NR4A1: variants seen among roughly 807,000 people sequenced by gnomAD.
The protein encoded by NR4A1 is nuclear receptor subfamily 4immunitygroup A member 1.
A neutral mutation model predicts 47.5 loss-of-function variants in NR4A1; 24 were observed. The ratio of observed to expected loss-of-function variants is 0.50; its 90% CI spans 0.37 to 0.71. NR4A1 has a LOEUF of 0.71. NR4A1 is among the 30% of genes least tolerant of loss of function. NR4A1 has a pLI of 0.00. For synonymous variants in NR4A1, 353 were observed against 345.7 expected (o/e 1.02, Z -0.24); for missense variants, 669 against 788.6 (o/e 0.85, Z 1.82).
At chr12:52,031,826 C>G (rs1193627529) in intron 1 of NR4A1, among the ~76,000 whole-genome samples, 1 of 138,078 alleles carries the variant, frequency 7.2e-6, no homozygotes, top group Non-Finnish European at 1.5e-5. Context: ...GTTGCCCAGG[C>G]TGGAGCGCAG....
Position 52,054,571 on chromosome 12 carries a change from C to T in NR4A1, c.243C>T (p.Ala81=). The T allele has an allele frequency of 6.2e-7, 1 of 1,614,150 alleles. No homozygotes were observed. The highest frequency in any genetic ancestry group is 2.2e-5 in the East Asian group (1 of 44,884). The change falls in exon 2 of 7, where the codon GCC becomes GCT. Residue 81 remains alanine (A), a synonymous_variant. Coordinates refer to ENST00000394825, the MANE Select transcript of NR4A1 (RefSeq NM_173157.3). ...GAACAGTCCAGCCATGCTCCTCAGC[C>T]TCCTCCTCGGCCTCCTCCACATCCT... ...LPGTVQPCSS[A]SSSASSTSSS... is the part of the protein sequence containing the mutation.
At chr12:52,032,904 T>G (rs1938156758) in intron 1 of NR4A1, among the ~76,000 whole-genome samples, 1 of 152,086 alleles carries the variant, frequency 6.6e-6, no homozygotes, top group Non-Finnish European at 1.5e-5. Flanking sequence ...AAACCAGCAC[T>G]CTACAGATTT....
intron 1 of NR4A1, among the ~76,000 whole-genome samples, chr12:52,053,083 G>T (rs1939068082): frequency 6.6e-6 from 1 of 152,152 alleles, no homozygotes; most frequent in African/African-American, 2.4e-5. Context: ...ATGGTACTCT[G>T]TTCCTGCTTG....
At chr12:52,036,492 T>C (rs1938239415) in intron 1 of NR4A1, among the ~76,000 whole-genome samples, 3 of 152,160 alleles carry the variant, frequency 2.0e-5, no homozygotes, top group Admixed American at 2.0e-4. Flanking sequence ...TCTGATCATA[T>C]CATGTTTTAG....
chr12:52,046,437 G>T (rs1205542152), upstream of NR4A1, among the ~76,000 whole-genome samples: 1 of 152,188 alleles, frequency 6.6e-6, no homozygotes, highest in Non-Finnish European at 1.5e-5. Flanking sequence ...TTGACTAGGA[G>T]GGGTAAGGGC....
intron 2 of NR4A1, among the ~76,000 whole-genome samples, chr12:52,043,245 A>G (rs1240261838): frequency 6.6e-6 from 1 of 152,100 alleles, no homozygotes; most frequent in Non-Finnish European, 1.5e-5. Flanking sequence ...TGGACTTGGG[A>G]AGCACGTGAG....
At chr12:52,055,514 C>T (rs534992150) in intron 2 of NR4A1, 82 of 565,988 alleles carry the variant, frequency 1.4e-4, no homozygotes, top group African/African-American at 1.4e-3. Context: ...TGCCTGTCCT[C>T]TCCCAACTCA....
rs947688464 is a variant in NR4A1 at position 52,037,000 on chromosome 12, G to A, written c.-83-4810G>A. The stretch of plus-strand genomic sequence containing the variant: ...TGTAACCGGGTGTGCGGCGTGGGGG[G>A]AGCCGCGGGGCGGGGCGCTCGCGGC... On this transcript the variant is annotated intron_variant, in intron 1 of 7. Transcript: ENST00000360284. Among the ~76,000 whole-genome samples the A allele has an allele frequency of 5.9e-5, 9 of 152,196 alleles. No individual in the cohort carries two copies. The East Asian group carries it at 1.7e-3, about 29-fold the overall frequency.
intron 1 of NR4A1, among the ~76,000 whole-genome samples, chr12:52,036,090 C>T (rs1039826524): frequency 2.6e-5 from 4 of 152,172 alleles, no homozygotes; most frequent in Admixed American, 2.0e-4. Flanking sequence ...ATGGTAACCC[C>T]CAACCCCACC....
Position 52,056,546 on chromosome 12 carries a change from C to T in NR4A1, c.1059C>T (p.Pro353=). Residue 353 remains proline (P), a synonymous_variant, in exon 4 of 7, where the codon CCC becomes CCT. Transcript: ENST00000394825. ...GGCGGGGCCGGCTACCTTCAAAACC[C>T]AAGCAGCCCCCAGATGCCTCCCCTG... The part of the protein sequence containing the change: ...KGRRGRLPSK[P]KQPPDASPAN... 1 of 1,613,670 alleles carries T rather than the reference C, an allele frequency of 6.2e-7. No individual in the cohort carries two copies. The highest frequency in any genetic ancestry group is 8.5e-7 in the Non-Finnish European group (1 of 1,179,862).
intron 6 of NR4A1, 40 bp downstream of exon 6, chr12:52,057,570 G>A (rs750146265): frequency 8.1e-6 from 13 of 1,607,576 alleles, no homozygotes; most frequent in Non-Finnish European, 1.1e-5. Context: ...GGGAATGGGC[G>A]TCAGGGGGTT....
chr12:52,024,852 T>C (rs1937971364), intron 1 of NR4A1, among the ~76,000 whole-genome samples: 1 of 152,170 alleles, frequency 6.6e-6, no homozygotes, highest in South Asian at 2.1e-4. Context: ...ACCTCTACCT[T>C]CCTCAGCCTC....
Position 52,055,325 on chromosome 12 carries a change from G to A in NR4A1, c.876+121G>A, listed in dbSNP as rs1374386412. ...TAGCTAAGTCCTGTCCTGCAGGGTGGGATCAGCCCTGCCAGGTGGGCCGCC... is the reference window on the plus strand; with the variant it reads ...TAGCTAAGTCCTGTCCTGCAGGGTGAGATCAGCCCTGCCAGGTGGGCCGCC... On this transcript the variant is annotated intron_variant, in intron 2 of 6. Transcript: ENST00000394825. The A allele has an allele frequency of 2.9e-6, 4 of 1,364,924 alleles. No individual in the cohort carries two copies. In the Admixed American group the frequency reaches 8.7e-5, roughly 30 times the overall value. 84.6% of individuals were successfully genotyped at this position (1,364,924 alleles called of 1,614,324 possible).
intron 1 of NR4A1, among the ~76,000 whole-genome samples, chr12:52,040,528 T>C (rs912965481): frequency 6.6e-6 from 1 of 152,170 alleles, no homozygotes; most frequent in African/African-American, 2.4e-5. Context: ...CGGGGCAGGT[T>C]GGAAACCTTG....
intron 1 of NR4A1, among the ~76,000 whole-genome samples, chr12:52,023,672 C>T (rs956591401): frequency 2.6e-5 from 4 of 152,044 alleles, no homozygotes; most frequent in African/African-American, 9.7e-5. Context: ...TGCGGCTCCT[C>T]CTTCTGCCCC....
At chr12:52,058,540 C>T in intron 6 of NR4A1, 148 bp from the exon 7 acceptor site, 1 of 1,040,044 alleles carries the variant, frequency 9.6e-7, no homozygotes. Flanking sequence ...ACGATGCTTA[C>T]TAATGGCCAA....
chr12:52,044,558 A>T (rs888375206), intron 2 of NR4A1, among the ~76,000 whole-genome samples: 12 of 152,278 alleles, frequency 7.9e-5, no homozygotes, highest in Non-Finnish European at 1.3e-4. Context: ...TCAAAAAAAA[A>T]TTTTCCCCTT....
intron 2 of NR4A1, chr12:52,045,578 GC>G (rs1441814139): frequency 4.4e-6 from 2 of 449,466 alleles, no homozygotes; most frequent in Non-Finnish European, 8.9e-6. Flanking sequence ...CCAGCACTGG[GC>G]CTGGTGATGT....
chr12:52,049,495 A>G (rs2120372188), upstream of NR4A1, among the ~76,000 whole-genome samples: 1 of 152,294 alleles, frequency 6.6e-6, no homozygotes, highest in African/African-American at 2.4e-5. Context: ...TGTGGCTGGC[A>G]GTAGGAAAGC....
Sources: allele counts gnomAD v4.1 joint callset (sites outside exome capture counted in the v4.1 genomes callset), GRCh38; gene constraint gnomAD v4.1.1; transcripts MANE v1.5; gene names NCBI Gene and HGNC (gene_info 2026-07-23, HGNC 2026-07-21).